The following SASH1 variants were observed in gnomAD, a reference collection of about 807,000 sequenced individuals.
SASH1 encodes SAM and SH3 domain containing 1, also known as SAM and SH3 domain-containing protein 1.
SASH1 carries 44 observed loss-of-function variants against 125.2 expected under a neutral mutation model. That is an observed-to-expected ratio of 0.35 (90% CI 0.28 to 0.45). The LOEUF (loss-of-function observed/expected upper bound fraction) is 0.45, where lower values mean the gene tolerates loss of function less well. Ranked by LOEUF, SASH1 falls within the 20% of genes least tolerant of loss-of-function variation. The pLI, the probability that SASH1 is intolerant of heterozygous loss-of-function variation, is 1.00. For synonymous variants in SASH1, 639 were observed against 649.1 expected, an observed-to-expected ratio of 0.98 and a Z score of 0.24; for missense variants, 1,426 against 1,614.5, an observed-to-expected ratio of 0.88 and a Z score of 2.00.
intron 18 of SASH1, among the ~76,000 whole-genome samples, chr6:148,545,157 A>T (rs1457064155): frequency 6.6e-6 from 1 of 152,220 alleles, no homozygotes; most frequent in African/African-American, 2.4e-5. Flanking sequence ...TGGGAAAAAG[A>T]TAATATAAAA....
In SASH1 at chr6:148,537,923, A is replaced by G. The variant is rs77449614; in HGVS notation, c.2096-2520A>G. On this transcript the variant is annotated intron_variant, in intron 16 of 19. Coordinates refer to ENST00000367467, the MANE Select transcript of SASH1 (RefSeq NM_015278.5). ...CATGCTCAAATGGGGTTACAGCCTC[A>G]CAACCTAGCACTTTGCTGTGATTTG... Among the ~76,000 whole-genome samples, 847 of 152,144 alleles carry G rather than the reference A, an allele frequency of 5.6e-3. 8 individuals carry two copies. The highest frequency in any genetic ancestry group is 0.019 in the African/African-American group (804 of 41,484).
intron 1 of SASH1, among the ~76,000 whole-genome samples, chr6:148,354,857 C>T (rs769956470): frequency 1.3e-5 from 2 of 152,120 alleles, no homozygotes; most frequent in Non-Finnish European, 1.5e-5. Flanking sequence ...CTGCCTCCCG[C>T]GTTCAAGCAA....
At chr6:148,486,894 C>A (rs1778869530) in intron 7 of SASH1, among the ~76,000 whole-genome samples, 1 of 120,072 alleles carries the variant, frequency 8.3e-6, no homozygotes, top group Non-Finnish European at 1.7e-5. Flanking sequence ...TGCATTGTAG[C>A]CTGGGTGACA....
At chr6:148,392,717 G>A (rs1783781675) in intron 2 of SASH1, among the ~76,000 whole-genome samples, 1 of 152,214 alleles carries the variant, frequency 6.6e-6, no homozygotes, top group Non-Finnish European at 1.5e-5. Context: ...ATGGGAGTTA[G>A]TTTAAAGTTG....
chr6:148,428,369 C>T (rs1008435521), intron 2 of SASH1, among the ~76,000 whole-genome samples: 2 of 152,200 alleles, frequency 1.3e-5, no homozygotes, highest in Non-Finnish European at 2.9e-5. Flanking sequence ...TGGCTCATGC[C>T]TGTAATCCCA....
the SASH1 span, among the ~76,000 whole-genome samples, chr6:148,251,847 A>C: frequency 2.4e-5 from 2 of 85,010 alleles, no homozygotes; most frequent in Admixed American, 1.8e-4. Context: ...CCCACCCCAC[A>C]ACAGTCCCCA....
chr6:148,461,714 T>C (rs887127528), intron 4 of SASH1, among the ~76,000 whole-genome samples: 2 of 152,210 alleles, frequency 1.3e-5, no homozygotes, highest in Admixed American at 6.5e-5. Context: ...CTTGAGTTTT[T>C]ATGGCAACTA....
At chr6:148,438,660 C>T (rs1776396545) in intron 2 of SASH1, among the ~76,000 whole-genome samples, 1 of 145,980 alleles carries the variant, frequency 6.9e-6, no homozygotes, top group Admixed American at 7.1e-5. Context: ...TTTCTGGCCG[C>T]TTGTCTACAG....
chr6:148,366,374 G>A (rs1040864337), intron 1 of SASH1, among the ~76,000 whole-genome samples: 12 of 152,172 alleles, frequency 7.9e-5, no homozygotes, highest in African/African-American at 2.7e-4. Context: ...TAGTTGCTAA[G>A]ATATAGACAC....
intron 2 of SASH1, among the ~76,000 whole-genome samples, chr6:148,400,729 C>T (rs771864844): frequency 6.6e-5 from 10 of 151,980 alleles, no homozygotes; most frequent in South Asian, 2.1e-4. Flanking sequence ...GCAGCCTGGG[C>T]GACAGAGTGA....
intron 1 of SASH1, among the ~76,000 whole-genome samples, chr6:148,294,572 T>C (rs1417516794): frequency 6.6e-6 from 1 of 152,210 alleles, no homozygotes; most frequent in Non-Finnish European, 1.5e-5. Context: ...AAGTACGTGA[T>C]ACATAGTTGC....
the SASH1 span, among the ~76,000 whole-genome samples, chr6:148,202,330 G>A: frequency 4.6e-3 from 701 of 152,226 alleles, 9 homozygotes; most frequent in Middle Eastern, 0.02. Context: ...AGGGCACAGC[G>A]CTGGTTCCAC....
intron 17 of SASH1, among the ~76,000 whole-genome samples, chr6:148,541,461 T>G (rs1308130564): frequency 1.3e-5 from 2 of 152,088 alleles, no homozygotes; most frequent in Non-Finnish European, 2.9e-5. Flanking sequence ...AGATAAAGGT[T>G]AGTATTGTTA....
At chr6:148,483,208 AGT>A (rs961574685) in intron 7 of SASH1, among the ~76,000 whole-genome samples, 1 of 152,124 alleles carries the variant, frequency 6.6e-6, no homozygotes, top group Non-Finnish European at 1.5e-5. Flanking sequence ...GGTGGAAGGC[AGT>A]GTGTGTGCAG....
At chr6:148,414,714 G>A (rs1784755587) in intron 2 of SASH1, among the ~76,000 whole-genome samples, 1 of 151,904 alleles carries the variant, frequency 6.6e-6, no homozygotes, top group Admixed American at 6.6e-5. Context: ...CGCCCAGGCT[G>A]GAGTGCAGTG....
upstream of SASH1, among the ~76,000 whole-genome samples, chr6:148,268,378 C>A (rs1778989657): frequency 6.6e-6 from 1 of 152,274 alleles, no homozygotes; most frequent in African/African-American, 2.4e-5. Context: ...TTACTTGAAG[C>A]TCACATGGGA....
upstream of SASH1, among the ~76,000 whole-genome samples, chr6:148,341,593 C>T (rs11759692): frequency 1.6e-4 from 24 of 152,280 alleles, no homozygotes; most frequent in Non-Finnish European, 8.8e-5. Context: ...GCTCACAGCA[C>T]TTAATACTTG....
At chr6:148,320,302 T>G (rs930488376) in intron 1 of SASH1, among the ~76,000 whole-genome samples, 12 of 152,320 alleles carry the variant, frequency 7.9e-5, no homozygotes, top group African/African-American at 2.9e-4. Context: ...AAGAGCTGAT[T>G]GGTGCTGCTG....
intron 4 of SASH1, among the ~76,000 whole-genome samples, chr6:148,450,178 C>G (rs1296601026): frequency 6.6e-6 from 1 of 152,184 alleles, no homozygotes; most frequent in Admixed American, 6.5e-5. Flanking sequence ...AAAGAGCATT[C>G]AAGAAATTGC....
Sources: gnomAD v4.1 joint callset for allele counts (sites outside exome capture counted in the v4.1 genomes callset) on GRCh38, gnomAD v4.1.1 for gene constraint, MANE v1.5 for transcripts, NCBI Gene and HGNC (gene_info 2026-07-23, HGNC 2026-07-21) for gene names.